MEAK7: variants seen among roughly 807,000 people sequenced by gnomAD.
MEAK7 encodes the protein MTOR-associated protein MEAK7.
Under a neutral mutation model 40.5 loss-of-function variants are expected in MEAK7, and 68 were observed. The ratio of observed to expected loss-of-function variants is 1.68; its 90% CI spans 1.38 to 2.06. The LOEUF (loss-of-function observed/expected upper bound fraction) is 2.06. Ranked by LOEUF, MEAK7 falls within the 30% of genes most tolerant of loss-of-function variation. The pLI is 0.00. For synonymous variants in MEAK7, 338 were observed against 231.9 expected, an observed-to-expected ratio of 1.46 and a Z score of -4.16; for missense variants, 918 against 580.5, an observed-to-expected ratio of 1.58 and a Z score of -5.98.
At position 84,489,416 on chromosome 16, in the gene MEAK7, C is replaced by T. The variant is rs771056429; in HGVS notation, c.391G>A (p.Glu131Lys). 3.7e-6 allele frequency: 6 copies of T among 1,609,050 alleles called. No homozygotes were observed. In the South Asian group the frequency reaches 6.6e-5, roughly 18 times the overall value. ...TGCACCACAGAGCCAACCAGATCCT[C>T]TGTAAACTGTAAGATCACAATTTTA... ...VKAREVQKFTEDLVGSVVHVL... is the reference protein window; with the variant it reads ...VKAREVQKFTKDLVGSVVHVL... The change falls in exon 4 of 8, where the codon GAG becomes AAG. Residue 131 changes from glutamate (E) to lysine (K), a missense_variant. Coordinates refer to ENST00000343629, the MANE Select transcript of MEAK7 (RefSeq NM_020947.4).
rs1440664881 is a variant in MEAK7, at chr16:84,486,687, T to G, written c.902A>C (p.Lys301Thr). The change falls in exon 5 of 8, where the codon AAG (lysine) becomes ACG (threonine). Residue 301 changes from lysine (K) to threonine (T), a missense_variant. Transcript: ENST00000343629. ...PCVAVLEDHDKHVFGGFASCS... is the reference protein window; with the variant it reads ...PCVAVLEDHDTHVFGGFASCS... ...AGAGGCAAACCCACCGAACACATGC[T>G]TGTCATGGTCCTCGAGGACAGCCAC... 2.5e-6 allele frequency: 4 copies of G among 1,614,050 alleles called. No homozygotes were observed. The Admixed American group carries it at 6.7e-5, about 27-fold the overall frequency.
At chr16:84,481,730 G>A (rs1033689850) in intron 6 of MEAK7, among the ~76,000 whole-genome samples, 7 of 152,104 alleles carry the variant, frequency 4.6e-5, no homozygotes, top group Admixed American at 6.6e-5. Context: ...TCAGGAGATG[G>A]AGACCATCCT....
intron 1 of MEAK7, among the ~76,000 whole-genome samples, chr16:84,498,367 C>T (rs939904064): frequency 7.2e-5 from 11 of 152,000 alleles, no homozygotes; most frequent in African/African-American, 1.5e-4. Context: ...CTCCTGGGCT[C>T]GGGCAATCCT....
At chr16:84,501,105 GAAAAAAAAAA>G (rs35447624) in intron 1 of MEAK7, among the ~76,000 whole-genome samples, 3 of 103,638 alleles carry the variant, frequency 2.9e-5, no homozygotes, top group Non-Finnish European at 5.4e-5. Context: ...AAAAAAAAAA[GAAAAAAAAAA>G]AAAAAAAAAA....
chr16:84,481,099 T>C (rs530125869), intron 6 of MEAK7, among the ~76,000 whole-genome samples: 1 of 151,998 alleles, frequency 6.6e-6, no homozygotes, highest in South Asian at 2.1e-4. Flanking sequence ...GCAAACCCCC[T>C]GTGTTGGGGC....
rs1172279086 is a variant in MEAK7, at chr16:84,497,963, A to G, written c.124T>C (p.Ser42Pro). The change falls in exon 2 of 8, where the codon TCC (serine) becomes CCC (proline). Residue 42 changes from serine to proline, a missense_variant. Ser to Pro is a moderately conservative substitution (Grantham distance 74). Coordinates refer to ENST00000343629, the MANE Select transcript of MEAK7 (RefSeq NM_020947.4). ...AGTGCCTTCAGAGAGAAGGATTTGG[A>G]TGAGACATTCGGGCTGTTTTTATCT... ...SSDKNSPNVS[S>P]KSFSLKALQN... 1.2e-6 allele frequency: 2 copies of G among 1,614,230 alleles called. No individual in the cohort carries two copies. The highest frequency in any genetic ancestry group is 8.5e-7 in the Non-Finnish European group (1 of 1,180,042).
intron 3 of MEAK7, among the ~76,000 whole-genome samples, chr16:84,493,758 T>C (rs929499794): frequency 1.3e-5 from 2 of 152,246 alleles, no homozygotes; most frequent in Non-Finnish European, 2.9e-5. Flanking sequence ...TTGGAAACAC[T>C]GGTTATTTCA....
intron 3 of MEAK7, among the ~76,000 whole-genome samples, chr16:84,491,596 T>C (rs1482717486): frequency 6.7e-6 from 1 of 148,220 alleles, no homozygotes; most frequent in Non-Finnish European, 1.5e-5. Context: ...CCCAGCACTT[T>C]GGGAGGCCGA....
intron 2 of MEAK7, 131 bp from the exon 3 acceptor site, chr16:84,496,044 GAA>G (rs1329792750): frequency 1.1e-6 from 1 of 910,472 alleles, no homozygotes; most frequent in African/African-American, 1.7e-5. Flanking sequence ...AAGCATCTCT[GAA>G]AAAGTTTCTT....
At chr16:84,490,599 T>C (rs1913499724) in intron 3 of MEAK7, among the ~76,000 whole-genome samples, 2 of 149,182 alleles carry the variant, frequency 1.3e-5, no homozygotes, top group Middle Eastern at 3.5e-3. Flanking sequence ...AGATTTAAAA[T>C]GATTTTTTTA....
intron 7 of MEAK7, among the ~76,000 whole-genome samples, chr16:84,480,291 C>G (rs538095009): frequency 6.6e-6 from 1 of 152,220 alleles, no homozygotes; most frequent in Admixed American, 6.5e-5. Flanking sequence ...TGAAGGGCCA[C>G]CTGGGCTCGC....
rs578051365 is a variant in MEAK7, at chr16:84,504,646, G to C, written c.-71C>G. The C allele has an allele frequency of 4.4e-4, 436 of 985,602 alleles. 3 individuals are homozygous for C. In the South Asian group the frequency reaches 8.7e-3, roughly 20 times the overall value. 61.1% of individuals were successfully genotyped at this position (985,602 alleles called of 1,614,324 possible). A position where few individuals can be genotyped will look rare whatever the true frequency, so the allele number is the denominator to read the frequency against. ...TGTCCGGTCCGGTCCAGCAGCCCAC[G>C]GGCTCCTCTCGAGAGCCGCCCCTTC... On this transcript the variant is annotated 5_prime_UTR_variant, in exon 1 of 8. Transcript: ENST00000343629.
At chr16:84,497,308 G>T in intron 2 of MEAK7, 2 of 883,024 alleles carry the variant, frequency 2.3e-6, no homozygotes, top group East Asian at 6.4e-5. Context: ...ATGGAACGGG[G>T]AAAAACATGG....
At chr16:84,504,481 T>C (rs562022524) in intron 1 of MEAK7, 120 bp downstream of exon 1, 1 of 572,740 alleles carries the variant, frequency 1.7e-6, no homozygotes, top group African/African-American at 2.1e-5. Flanking sequence ...TGAAGAGGCG[T>C]GGGAGGCCAG....
At position 84,495,355 on chromosome 16, in the gene MEAK7, G is replaced by A. The variant is rs558298889; in HGVS notation, c.384+328C>T. On this transcript the variant is annotated intron_variant, in intron 3 of 7. Coordinates refer to ENST00000343629, the MANE Select transcript of MEAK7 (RefSeq NM_020947.4). ...TAAAGTGCTGATTTACTGAGTGCAA[G>A]ACAAACACACATTGACTATTTCCCT... 6.1e-4 allele frequency among the ~76,000 whole-genome samples: 93 copies of A among 152,316 alleles called. No individual in the cohort carries two copies. In the Middle Eastern group the frequency reaches 0.01, roughly 17 times the overall value.
chr16:84,480,030 G>C lies in MEAK7; in HGVS notation c.1258-4C>G. 1 of 1,588,586 alleles carries C rather than the reference G, an allele frequency of 6.3e-7. No individual in the cohort carries two copies. The highest frequency in any genetic ancestry group is 1.1e-5 in the South Asian group (1 of 88,786). On this transcript the variant is annotated splice_region_variant and splice_polypyrimidine_tract_variant and intron_variant, in intron 7 of 7. Coordinates refer to ENST00000343629, the MANE Select transcript of MEAK7 (RefSeq NM_020947.4). ...GGATGCTCTTGTTGCCCTTGGCCTT[G>C]AGAAGAGAAGAAAGGGTGGGTGTGT...
intron 1 of MEAK7, among the ~76,000 whole-genome samples, chr16:84,502,039 G>C (rs530760739): frequency 1.3e-5 from 2 of 152,282 alleles, no homozygotes; most frequent in East Asian, 1.9e-4. Flanking sequence ...AGCTACTTGA[G>C]AGGCTGAGGC....
chr16:84,483,621 G>A (rs1195185883), intron 5 of MEAK7, among the ~76,000 whole-genome samples: 3 of 152,226 alleles, frequency 2.0e-5, no homozygotes, highest in Non-Finnish European at 2.9e-5. Flanking sequence ...GGAAGAGGAC[G>A]ATGGCCCCGA....
chr16:84,476,597 G>C lies in MEAK7; in HGVS notation c.*3316C>G, dbSNP rs924687485. ...TTAGCTGCAAACAAAATGTTCCCCA[G>C]CTGCAGACGGTGGAACGCTAGGCCC... On this transcript the variant is annotated 3_prime_UTR_variant, in exon 8 of 8. Transcript: ENST00000343629. The C allele has an allele frequency of 6.6e-6, 1 of 152,156 alleles. No homozygotes were observed. Among genetic ancestry groups the C allele is most frequent in the African/African-American group, 2.4e-5 (1 of 41,432 alleles). The allele number at this position is 152,156 out of a possible 1,614,324, so 9.4% of individuals were successfully genotyped here.
Sources: gnomAD v4.1 joint callset for allele counts (sites outside exome capture counted in the v4.1 genomes callset) on GRCh38, gnomAD v4.1.1 for gene constraint, MANE v1.5 for transcripts, NCBI Gene and HGNC (gene_info 2026-07-23, HGNC 2026-07-21) for gene names.